Variants in ZIC1 observed in about 807,000 individuals in gnomAD.
The protein encoded by ZIC1 is zinc finger protein ZIC 1.
Under a neutral mutation model 30.9 loss-of-function variants are expected in ZIC1, and 4 were observed. The observed-to-expected ratio is 0.13, with a 90% CI of 0.06 to 0.30. The LOEUF (loss-of-function observed/expected upper bound fraction) is 0.30. ZIC1 is among the 10% of genes least tolerant of loss of function. ZIC1 has a pLI of 1.00. For synonymous variants in ZIC1, 305 were observed against 277.5 expected, an observed-to-expected ratio of 1.10 and a Z score of -0.98; for missense variants, 441 against 639.3, an observed-to-expected ratio of 0.69 and a Z score of 3.34.
intron 1 of ZIC1, among the ~76,000 whole-genome samples, chr3:147,411,778 A>G (rs1024966353): frequency 4.0e-5 from 6 of 151,716 alleles, no homozygotes; most frequent in African/African-American, 1.2e-4. Flanking sequence ...AAAACACCAG[A>G]TTCCCCTCTT....
chr3:147,411,222 C>T, intron 1 of ZIC1, 128 bp downstream of exon 1: 10 of 1,303,968 alleles, frequency 7.7e-6, no homozygotes, highest in Non-Finnish European at 8.3e-6. Flanking sequence ...GGCAGGCAGG[C>T]AGGGAAAGTG....
Position 147,415,520 on chromosome 3 carries a change from C to G in ZIC1, c.*1969C>G, listed in dbSNP as rs1189783014. The G allele has an allele frequency of 6.6e-6, 1 of 152,626 alleles. No individual in the cohort carries two copies. Among genetic ancestry groups the G allele is most frequent in the East Asian group, 1.9e-4 (1 of 5,198 alleles). 9.5% of individuals were successfully genotyped at this position (152,626 alleles called of 1,614,324 possible). ...CTCTGGTTGTAGCTTGCATGATCGC[C>G]CCATTAGGCAGACAACGTAGCCGGA... is the stretch of plus-strand genomic sequence containing the variant. On this transcript the variant is annotated 3_prime_UTR_variant, in exon 3 of 3. Transcript: ENST00000282928.
Position 147,410,294 on chromosome 3 carries a change from A to C in ZIC1, c.182A>C (p.Gln61Pro). The C allele has an allele frequency of 6.2e-7, 1 of 1,600,152 alleles. No individual in the cohort carries two copies. Among genetic ancestry groups the C allele is most frequent in the Non-Finnish European group, 8.5e-7 (1 of 1,179,442 alleles). ...PSSHELASAG[Q>P]TAFTSQAPGY... ...TCGCACGAGCTGGCTTCGGCCGGCC[A>C]GACGGCCTTCACGTCGCAGGCGCCA... The change falls in exon 1 of 3, where the codon CAG (glutamine) becomes CCG (proline). Residue 61 changes from glutamine to proline, a missense_variant. Physicochemically the swap from Gln to Pro is moderately conservative, Grantham distance 76. Around this residue, in one of 5 missense-constraint regions of ZIC1, gnomAD observed 307 missense variants for 355.3 expected, o/e 0.86. Transcript: ENST00000282928.
Sources: allele counts gnomAD v4.1 joint callset (sites outside exome capture counted in the v4.1 genomes callset), GRCh38; gene constraint gnomAD v4.1.1; regional missense constraint gnomAD v4.1.1; transcripts MANE v1.5; gene names NCBI Gene and HGNC (gene_info 2026-07-23, HGNC 2026-07-21).